The following PCGF3 variants were observed in gnomAD, a reference collection of about 807,000 sequenced individuals.
PCGF3 encodes the protein polycomb group ring finger 3.
In PCGF3, 7 loss-of-function variants were observed where a neutral mutation model predicts 33.1. That is an observed-to-expected ratio of 0.21 (90% CI 0.12 to 0.40). The LOEUF (loss-of-function observed/expected upper bound fraction) is 0.40, where lower values mean the gene tolerates loss of function less well. PCGF3 is among the 10% of genes least tolerant of loss of function. The pLI, the probability that PCGF3 is intolerant of heterozygous loss-of-function variation, is 1.00. For missense variants in PCGF3, 211 were observed against 313.3 expected (o/e 0.67, Z 2.46); for synonymous variants, 153 against 121.3 (o/e 1.26, Z -1.72).
rs546034206 is a variant in PCGF3 at position 741,733 on chromosome 4, C to T, written c.263-1741C>T. 6.5e-4 allele frequency among the ~76,000 whole-genome samples: 99 copies of T among 152,316 alleles called. 1 individual carries two copies. The highest frequency in any genetic ancestry group is 2.3e-3 in the African/African-American group (96 of 41,556). On this transcript the variant is annotated intron_variant, in intron 6 of 10. Transcript: ENST00000362003. ...CAATAAATGTTTCAGTGCCTGTATA[C>T]ACCTGACACTGAGTGCTGCTATTTT...
chr4:734,405 G>A, intron 4 of PCGF3: 1 of 1,380,766 alleles, frequency 7.2e-7, no homozygotes, highest in South Asian at 2.0e-5. Flanking sequence ...TTAAAATGAA[G>A]TGTACGCTTA....
At chr4:753,145 C>T (rs745824094) in intron 8 of PCGF3, among the ~76,000 whole-genome samples, 11 of 152,242 alleles carry the variant, frequency 7.2e-5, no homozygotes, top group South Asian at 2.1e-4. Context: ...AGCTGACAAG[C>T]CCCGGAGCAA....
intron 8 of PCGF3, among the ~76,000 whole-genome samples, chr4:755,774 C>T (rs1446719607): frequency 1.3e-5 from 2 of 152,040 alleles, no homozygotes; most frequent in African/African-American, 4.8e-5. Context: ...CTCTGTTCCG[C>T]TGGTCTCTTG....
At chr4:734,634 G>T in intron 4 of PCGF3, 1 of 1,242,622 alleles carries the variant, frequency 8.0e-7, no homozygotes. Context: ...ATGTTCTGAT[G>T]ACCCACAGCT....
intron 6 of PCGF3, among the ~76,000 whole-genome samples, chr4:738,433 T>C (rs749305625): frequency 6.6e-6 from 1 of 152,232 alleles, no homozygotes; most frequent in Non-Finnish European, 1.5e-5. Context: ...AGGCAAAGGA[T>C]ACATTCGAGT....
intron 1 of PCGF3, among the ~76,000 whole-genome samples, chr4:718,359 G>A (rs1489630707): frequency 3.3e-5 from 5 of 152,138 alleles, no homozygotes; most frequent in African/African-American, 4.8e-5. Flanking sequence ...GCAGGCCTGC[G>A]GGGCCTGGGT....
intron 2 of PCGF3, 143 bp downstream of exon 2, chr4:730,811 G>A: frequency 2.6e-6 from 1 of 388,884 alleles, no homozygotes; most frequent in Non-Finnish European, 4.5e-6. Flanking sequence ...GGAGCCATGC[G>A]TGGGTCCTTA....
At chr4:766,228 T>C in exon 11 of PCGF3, 1 of 630,360 alleles carries the variant, frequency 1.6e-6, no homozygotes, top group Non-Finnish European at 2.8e-6. Context: ...GAATTCACAC[T>C]CAACAAGACA....
Position 766,019 on chromosome 4 carries a change from TTG to T in PCGF3, c.682-9_682-8del. The T allele has an allele frequency of 6.2e-7, 1 of 1,613,810 alleles. No individual in the cohort carries two copies. Among genetic ancestry groups the T allele is most frequent in the Non-Finnish European group, 8.5e-7 (1 of 1,179,696 alleles). ...CCTGCTAAGCAGGCACTGTGCGTTCTTGTGTCTTCCAGAAGGCGCCGCTCCTG... is the reference window on the plus strand; with the variant it reads ...CCTGCTAAGCAGGCACTGTGCGTTCTTGTCTTCCAGAAGGCGCCGCTCCTG... On this transcript the variant is annotated splice_polypyrimidine_tract_variant and intron_variant, in intron 10 of 10. Transcript: ENST00000362003.
chr4:744,474 C>G (rs1744227082), intron 7 of PCGF3, 126 bp from the exon 8 acceptor site: 1 of 718,692 alleles, frequency 1.4e-6, no homozygotes, highest in Non-Finnish European at 2.4e-6. Context: ...GACGCTTACT[C>G]CGCTCCGGGG....
At chr4:707,445 T>G (rs1742355425) in intron 1 of PCGF3, among the ~76,000 whole-genome samples, 1 of 151,430 alleles carries the variant, frequency 6.6e-6, no homozygotes, top group Non-Finnish European at 1.5e-5. Flanking sequence ...CTGCCCCGTC[T>G]CCCCCGGGAC....
intron 4 of PCGF3, chr4:734,150 C>G (rs73221127): frequency 0.039 from 60,774 of 1,550,198 alleles, 1,554 homozygotes; most frequent in South Asian, 0.098. Flanking sequence ...CCAGTGTGTT[C>G]TTCACACCTG....
intron 3 of PCGF3, chr4:732,293 CCCCTCACCTCCCTTCCCTCCCTA>C (rs1743609698): frequency 1.3e-5 from 2 of 157,114 alleles, no homozygotes; most frequent in African/African-American, 4.9e-5. Context: ...GGTGGGGCTC[CCCCTCACCTCCCTTCCCTCCCTA>C]CCCTCCCCTC....
chr4:762,074 C>T, intron 9 of PCGF3: 1 of 985,326 alleles, frequency 1.0e-6, no homozygotes, highest in Non-Finnish European at 1.2e-6. Context: ...GAGAAGTGGA[C>T]AGACTTGAGA....
At chr4:756,364 C>T (rs1744770233) in intron 8 of PCGF3, among the ~76,000 whole-genome samples, 1 of 151,806 alleles carries the variant, frequency 6.6e-6, no homozygotes, top group African/African-American at 2.4e-5. Flanking sequence ...AGGCACGCAC[C>T]ACCATGCCCA....
At chr4:761,850 G>T in intron 9 of PCGF3, 1 of 985,426 alleles carries the variant, frequency 1.0e-6, no homozygotes, top group Non-Finnish European at 1.2e-6. Context: ...GCCAGTGTGG[G>T]TCCCTGTGAG....
chr4:718,119 CA>C lies in PCGF3; in HGVS notation c.-190+12150del, dbSNP rs1280399372. Among the ~76,000 whole-genome samples the C allele has an allele frequency of 3.8e-4, 58 of 152,138 alleles. 1 individual carries two copies. The highest frequency in any genetic ancestry group is 1.8e-4 in the Non-Finnish European group (12 of 68,000). On this transcript the variant is annotated intron_variant, in intron 1 of 10. Coordinates refer to ENST00000362003, the Ensembl canonical transcript of PCGF3. ...GGGGCTCCCTGGGGTGCAAGGCTGT[CA>C]GAGGAGGTCAGGGCAGGGAAGTCCT...
At chr4:740,110 T>G (rs1455139050) in intron 6 of PCGF3, among the ~76,000 whole-genome samples, 1 of 152,258 alleles carries the variant, frequency 6.6e-6, no homozygotes, top group African/African-American at 2.4e-5. Flanking sequence ...ATTGCAAACC[T>G]CATTTCTCCG....
At chr4:738,522 A>C (rs1378322433) in intron 6 of PCGF3, among the ~76,000 whole-genome samples, 3 of 147,030 alleles carry the variant, frequency 2.0e-5, no homozygotes, top group Admixed American at 6.8e-5. Context: ...GCGGGACCCC[A>C]AGTTTTGTGA....
Sources: allele counts gnomAD v4.1 joint callset (sites outside exome capture counted in the v4.1 genomes callset), GRCh38; gene constraint gnomAD v4.1.1; transcripts MANE v1.5; gene names NCBI Gene and HGNC (gene_info 2026-07-23, HGNC 2026-07-21).